Variants in FNBP1 observed in about 807,000 individuals in gnomAD.
FNBP1 encodes formin-binding protein 1.
Under a neutral mutation model 90.6 loss-of-function variants are expected in FNBP1, and 26 were observed. The observed-to-expected ratio is 0.29, with a 90% CI of 0.21 to 0.40. The LOEUF (loss-of-function observed/expected upper bound fraction) is 0.40, where lower values mean the gene tolerates loss of function less well. Among genes scored for constraint, FNBP1 ranks in the 10% least tolerant of loss-of-function variants. FNBP1 has a pLI of 1.00. For missense variants in FNBP1, 635 were observed against 768.0 expected (o/e 0.83, Z 2.05); for synonymous variants, 260 against 265.2 (o/e 0.98, Z 0.19).
intron 6 of FNBP1, among the ~76,000 whole-genome samples, chr9:129,936,926 T>C (rs987848815): frequency 4.6e-5 from 7 of 152,144 alleles, no homozygotes; most frequent in Non-Finnish European, 1.0e-4. Flanking sequence ...TCTCAACACT[T>C]TGGGAGGCTG....
chr9:129,958,088 CT>C (rs1483717304), intron 5 of FNBP1, among the ~76,000 whole-genome samples: 5 of 152,080 alleles, frequency 3.3e-5, no homozygotes, highest in African/African-American at 1.2e-4. Flanking sequence ...ATGTTTTTTA[CT>C]TTCTGATTGA....
chr9:129,905,313 T>TA (rs1554766990), intron 12 of FNBP1, among the ~76,000 whole-genome samples: 37 of 145,642 alleles, frequency 2.5e-4, no homozygotes, highest in East Asian at 2.0e-3. Flanking sequence ...TATATATATA[T>TA]TTTGTTAATT....
intron 6 of FNBP1, among the ~76,000 whole-genome samples, chr9:129,937,428 A>T (rs549198255): frequency 1.9e-4 from 29 of 152,254 alleles, no homozygotes; most frequent in Admixed American, 1.6e-3. Context: ...ATGTATATAT[A>T]ACTTTTAAGA....
chr9:130,001,965 T>A (rs1474878461), intron 1 of FNBP1, among the ~76,000 whole-genome samples: 1 of 146,324 alleles, frequency 6.8e-6, no homozygotes, highest in Non-Finnish European at 1.5e-5. Context: ...GAGGCAGAGG[T>A]TGCAATGAAC....
chr9:129,961,583 T>A (rs1382108189), intron 4 of FNBP1, among the ~76,000 whole-genome samples: 1 of 152,136 alleles, frequency 6.6e-6, no homozygotes, highest in African/African-American at 2.4e-5. Context: ...TATTTTATTT[T>A]TTGAGACGGA....
intron 4 of FNBP1, among the ~76,000 whole-genome samples, chr9:129,973,375 A>C (rs761053373): frequency 3.9e-5 from 6 of 152,250 alleles, no homozygotes; most frequent in Non-Finnish European, 7.3e-5. Flanking sequence ...AATCATCCTT[A>C]CAATAAAATA....
chr9:129,976,669 C>A (rs985649742), intron 4 of FNBP1, among the ~76,000 whole-genome samples: 1 of 152,178 alleles, frequency 6.6e-6, no homozygotes, highest in Non-Finnish European at 1.5e-5. Context: ...CTGCGAAGTC[C>A]CTTGGGAAGC....
intron 1 of FNBP1, among the ~76,000 whole-genome samples, chr9:130,024,917 C>T (rs778048241): frequency 3.3e-5 from 5 of 152,168 alleles, no homozygotes; most frequent in East Asian, 1.9e-4. Context: ...AGGCGGCTCA[C>T]GCTTGTAATC....
rs1321730579 is a variant in FNBP1, at chr9:129,888,258, A to G, written c.*2281T>C. 4.3e-6 allele frequency: 1 copy of G among 232,474 alleles called. No individual in the cohort carries two copies. Among genetic ancestry groups the G allele is most frequent in the South Asian group, 1.8e-4 (1 of 5,522 alleles). The allele number at this position is 232,474 out of a possible 1,614,324, so 14.4% of individuals were successfully genotyped here. A position where few individuals can be genotyped will look rare whatever the true frequency, so the allele number is the denominator to read the frequency against. ...CCATAATATGAAAGATGTGACGCACATGCATTCCCGAGGCTCTAAAATCCC... is the reference window on the plus strand; with the variant it reads ...CCATAATATGAAAGATGTGACGCACGTGCATTCCCGAGGCTCTAAAATCCC... On this transcript the variant is annotated 3_prime_UTR_variant, in exon 17 of 17. Coordinates refer to ENST00000446176, the MANE Select transcript of FNBP1 (RefSeq NM_015033.3).
At chr9:130,044,941 T>C (rs1589465228), upstream of FNBP1, 1 of 151,500 alleles carries the variant, frequency 6.6e-6, no homozygotes, top group Admixed American at 6.6e-5. Context: ...TCTCAAAAAA[T>C]AAAATAAAAT....
rs1399660800 is a variant in FNBP1, at chr9:129,922,894, AT to A, written c.1170+949del. Among the ~76,000 whole-genome samples, 5 of 150,752 alleles carry A rather than the reference AT, an allele frequency of 3.3e-5. 1 individual carries two copies. The South Asian group carries it at 6.3e-4, about 19-fold the overall frequency. ...TAGTTTTATGTTTTTATTATTTATTATTTTTTTTTAGAGATGGGGTTTGACT... is the reference window on the plus strand; with the variant it reads ...TAGTTTTATGTTTTTATTATTTATTATTTTTTTTAGAGATGGGGTTTGACT... On this transcript the variant is annotated intron_variant, in intron 10 of 16. Coordinates refer to ENST00000446176, the MANE Select transcript of FNBP1 (RefSeq NM_015033.3).
chr9:129,921,496 C>A (rs112865641), intron 10 of FNBP1, among the ~76,000 whole-genome samples: 1 of 151,858 alleles, frequency 6.6e-6, no homozygotes, highest in South Asian at 2.1e-4. Flanking sequence ...CAGGTCCAAG[C>A]GATTCTCCTG....
chr9:129,978,322 G>GTTT (rs2050671898), intron 4 of FNBP1, 143 bp downstream of exon 4: 1 of 726,630 alleles, frequency 1.4e-6, no homozygotes, highest in African/African-American at 1.8e-5. Context: ...CCCAGCTGGG[G>GTTT]TCCATAACTT....
chr9:130,011,243 A>AAAAATATAT (rs1554854971), intron 1 of FNBP1, among the ~76,000 whole-genome samples: 1 of 42,248 alleles, frequency 2.4e-5, no homozygotes, highest in Non-Finnish European at 4.2e-5. Flanking sequence ...AAAAAAAAAA[A>AAAAATATAT]ATATATATAT....
intron 6 of FNBP1, among the ~76,000 whole-genome samples, chr9:129,953,592 G>A (rs1427789170): frequency 2.0e-5 from 3 of 152,066 alleles, no homozygotes; most frequent in Non-Finnish European, 4.4e-5. Flanking sequence ...TTGATCATAG[G>A]TGAGAGATTA....
chr9:129,942,206 A>T (rs1192841665), intron 6 of FNBP1, among the ~76,000 whole-genome samples: 5 of 152,184 alleles, frequency 3.3e-5, no homozygotes, highest in Non-Finnish European at 5.9e-5. Flanking sequence ...AAATAAAGAA[A>T]ATTTACCAGT....
At chr9:129,891,235 G>C (rs542888610) in intron 16 of FNBP1, among the ~76,000 whole-genome samples, 21 of 151,640 alleles carry the variant, frequency 1.4e-4, no homozygotes, top group African/African-American at 4.6e-4. Flanking sequence ...TGAAGAGGGA[G>C]GATGCATGAG....
At chr9:129,975,188 C>T (rs896283502) in intron 4 of FNBP1, among the ~76,000 whole-genome samples, 4 of 152,228 alleles carry the variant, frequency 2.6e-5, no homozygotes, top group Admixed American at 1.3e-4. Context: ...AACTGCACTC[C>T]AGCCCGGGCA....
intron 2 of FNBP1, among the ~76,000 whole-genome samples, chr9:129,982,817 C>T (rs1268781562): frequency 6.6e-6 from 1 of 152,118 alleles, no homozygotes; most frequent in African/African-American, 2.4e-5. Flanking sequence ...TGCACACCAC[C>T]ATGCCCAGCT....
Sources: allele counts gnomAD v4.1 joint callset (sites outside exome capture counted in the v4.1 genomes callset), GRCh38; gene constraint gnomAD v4.1.1; transcripts MANE v1.5; gene names NCBI Gene and HGNC (gene_info 2026-07-23, HGNC 2026-07-21).